The following NBAS variants were observed in gnomAD, a reference collection of about 807,000 sequenced individuals.
The protein encoded by NBAS is NAG/BC035112 fusion.
NBAS carries 219 observed loss-of-function variants against 302.5 expected under a neutral mutation model. That is an observed-to-expected ratio of 0.72 (90% CI 0.65 to 0.81). The LOEUF is 0.81. NBAS is among the 30% of genes least tolerant of loss of function. The pLI is 0.00. For missense variants in NBAS, 2,932 were observed against 2,841.6 expected (o/e 1.03, Z -0.72); for synonymous variants, 1,118 against 1,021.6 (o/e 1.09, Z -1.80).
At chr2:15,038,479 C>T in the NBAS span, among the ~76,000 whole-genome samples, 3 of 152,164 alleles carry the variant, frequency 2.0e-5, no homozygotes, top group South Asian at 2.1e-4. Flanking sequence ...CATCTCACTT[C>T]GGTCTGCACA....
chr2:14,947,978 C>T, the NBAS span, among the ~76,000 whole-genome samples: 4 of 151,974 alleles, frequency 2.6e-5, no homozygotes, highest in East Asian at 7.7e-4. Flanking sequence ...CCAGTTTGAT[C>T]ATGGTGAGTG....
chr2:15,286,078 G>A (rs1262949001), intron 42 of NBAS, among the ~76,000 whole-genome samples: 1 of 152,116 alleles, frequency 6.6e-6, no homozygotes, highest in East Asian at 1.9e-4. Context: ...GATGCTTCGC[G>A]ACACCTCCCC....
intron 38 of NBAS, among the ~76,000 whole-genome samples, chr2:15,321,867 T>C (rs575432220): frequency 6.6e-6 from 1 of 152,206 alleles, no homozygotes; most frequent in Non-Finnish European, 1.5e-5. Flanking sequence ...AAATACCATT[T>C]GACCCAGCGA....
At chr2:14,788,271 C>A in the NBAS span, among the ~76,000 whole-genome samples, 1 of 152,146 alleles carries the variant, frequency 6.6e-6, no homozygotes, top group Non-Finnish European at 1.5e-5. Flanking sequence ...GTTTGAATTT[C>A]CCCCTGTAGC....
chr2:15,373,879 A>C (rs1454960409), intron 31 of NBAS, among the ~76,000 whole-genome samples: 1 of 152,192 alleles, frequency 6.6e-6, no homozygotes. Flanking sequence ...CACTGCTAAT[A>C]ATACCAAGCC....
rs757523404 is a variant in NBAS at position 15,330,605 on chromosome 2, G to T, written c.4340C>A (p.Pro1447His). 1 of 1,613,748 alleles carries T rather than the reference G, an allele frequency of 6.2e-7. No homozygotes were observed. The highest frequency in any genetic ancestry group is 1.7e-5 in the Admixed American group (1 of 59,968). ...WWKKSLTYLR[P>H]LQGQKCGGAY... is the part of the protein sequence containing the mutation. ...GAAAGATGCACTGCTTACCTGAAGG[G>T]GTCGAAGGTAAGTTAAAGACTTCTT... The change falls in exon 36 of 52, where the codon CCC (proline) becomes CAC (histidine). Residue 1447 changes from proline to histidine, a missense_variant. By Grantham distance (77) the Pro-to-His change is moderately conservative (BLOSUM62 -2). Transcript: ENST00000281513.
chr2:15,455,365 C>T (rs761965813), intron 21 of NBAS, among the ~76,000 whole-genome samples: 2 of 151,912 alleles, frequency 1.3e-5, no homozygotes, highest in Non-Finnish European at 2.9e-5. Context: ...TATAGCAGAA[C>T]GGACTATTCC....
intron 21 of NBAS, among the ~76,000 whole-genome samples, chr2:15,439,482 TA>T (rs763284660): frequency 8.2e-4 from 118 of 144,554 alleles, no homozygotes; most frequent in Admixed American, 9.6e-4. Flanking sequence ...AGGGATAAAT[TA>T]AAAAAAAAAA....
chr2:14,952,466 C>T, the NBAS span, among the ~76,000 whole-genome samples: 1 of 152,188 alleles, frequency 6.6e-6, no homozygotes. Context: ...GCAAGAAGAA[C>T]CCAGGGATAA....
chr2:14,815,227 A>G, the NBAS span, among the ~76,000 whole-genome samples: 1 of 152,246 alleles, frequency 6.6e-6, no homozygotes, highest in Non-Finnish European at 1.5e-5. Context: ...TTAACTAGCT[A>G]TAAGGCTTAG....
intron 19 of NBAS, among the ~76,000 whole-genome samples, chr2:15,463,891 TA>T (rs1558363401): frequency 6.6e-6 from 1 of 152,050 alleles, no homozygotes; most frequent in Non-Finnish European, 1.5e-5. Flanking sequence ...TCATTGTGGT[TA>T]TAGTTTCTTA....
chr2:15,444,858 A>T (rs1362370169), intron 21 of NBAS, among the ~76,000 whole-genome samples: 1 of 152,190 alleles, frequency 6.6e-6, no homozygotes, highest in Non-Finnish European at 1.5e-5. Flanking sequence ...ATGAACAGAC[A>T]CTTCTCAAAA....
At chr2:15,092,125 A>C in the NBAS span, among the ~76,000 whole-genome samples, 1 of 152,170 alleles carries the variant, frequency 6.6e-6, no homozygotes, top group South Asian at 2.1e-4. Context: ...ACTGGAGATG[A>C]GAAATTTGAA....
intron 21 of NBAS, among the ~76,000 whole-genome samples, chr2:15,456,571 A>G (rs1020386959): frequency 1.3e-5 from 2 of 152,334 alleles, no homozygotes; most frequent in East Asian, 1.9e-4. Flanking sequence ...TGGATCTTAC[A>G]TTCACTCATG....
the NBAS span, among the ~76,000 whole-genome samples, chr2:15,086,092 G>T: frequency 1.3e-5 from 2 of 152,058 alleles, no homozygotes; most frequent in African/African-American, 2.4e-5. Context: ...CCAGAGTGGG[G>T]ACTTGTGTTG....
At chr2:14,961,695 C>T in the NBAS span, among the ~76,000 whole-genome samples, 2 of 152,176 alleles carry the variant, frequency 1.3e-5, no homozygotes, top group East Asian at 3.8e-4. Context: ...ACCTCTGACA[C>T]AGGTACTATT....
intron 40 of NBAS, among the ~76,000 whole-genome samples, chr2:15,304,464 T>C (rs868174354): frequency 1.3e-5 from 2 of 152,284 alleles, no homozygotes; most frequent in Admixed American, 6.5e-5. Flanking sequence ...GGTACTGCTA[T>C]AAAGATACCC....
the NBAS span, among the ~76,000 whole-genome samples, chr2:15,136,619 A>T: frequency 6.6e-6 from 1 of 152,232 alleles, no homozygotes; most frequent in Non-Finnish European, 1.5e-5. Context: ...TGATGGTATT[A>T]GGAGGTGGGC....
chr2:14,857,791 G>A, the NBAS span, among the ~76,000 whole-genome samples: 7 of 152,048 alleles, frequency 4.6e-5, no homozygotes, highest in African/African-American at 7.2e-5. Flanking sequence ...ATACCCACAC[G>A]CACAGGCAAC....
Sources: gnomAD v4.1 joint callset for allele counts (sites outside exome capture counted in the v4.1 genomes callset) on GRCh38, gnomAD v4.1.1 for gene constraint, MANE v1.5 for transcripts, NCBI Gene and HGNC (gene_info 2026-07-23, HGNC 2026-07-21) for gene names.